Variants in SPINDOC observed in about 807,000 individuals in gnomAD.
SPINDOC encodes the protein spindlin interactor and repressor of chromatin binding, also known as spindlin interactor and repressor of chromatin-binding protein.
In SPINDOC, 13 loss-of-function variants were observed where a neutral mutation model predicts 30.7. The ratio of observed to expected loss-of-function variants is 0.42; its 90% confidence interval spans 0.28 to 0.67. The LOEUF (loss-of-function observed/expected upper bound fraction) is 0.67, where lower values mean the gene tolerates loss of function less well. SPINDOC is among the 30% of genes least tolerant of loss of function. The pLI is 0.22. For synonymous variants in SPINDOC, 228 were observed against 211.4 expected, an observed-to-expected ratio of 1.08 and a Z score of -0.68; for missense variants, 438 against 518.0, an observed-to-expected ratio of 0.85 and a Z score of 1.50.
At chr11:63,815,358 G>C (rs1000514052) in intron 1 of SPINDOC, among the ~76,000 whole-genome samples, 1 of 152,250 alleles carries the variant, frequency 6.6e-6, no homozygotes, top group African/African-American at 2.4e-5. Flanking sequence ...TTGAATTCAA[G>C]GTTTTTGGCC....
chr11:63,819,301 C>G (rs549044732), intron 5 of SPINDOC, among the ~76,000 whole-genome samples: 1 of 152,338 alleles, frequency 6.6e-6, no homozygotes, highest in South Asian at 2.1e-4. Flanking sequence ...ACCTCTGCCT[C>G]CCAGGTTCAA....
chr11:63,822,562 G>T, intron 5 of SPINDOC: 1 of 1,267,114 alleles, frequency 7.9e-7, no homozygotes, highest in South Asian at 1.2e-5. Flanking sequence ...CTAAATTTGA[G>T]CCCCCCGTTT....
chr11:63,826,916 A>G lies in SPINDOC; in HGVS notation c.935-12A>G. ...GGGGCTCTGACTGCTCTCTGCTCTC[A>G]TCCCTGCCCAGCTCCCCCTCCGGGG... On this transcript the variant is annotated splice_polypyrimidine_tract_variant and intron_variant, in intron 5 of 5. Transcript: ENST00000294244. 2 of 1,378,144 alleles carry G rather than the reference A, an allele frequency of 1.5e-6. No individual in the cohort carries two copies. Among genetic ancestry groups the G allele is most frequent in the Non-Finnish European group, 2.1e-6 (2 of 969,390 alleles). 85.4% of individuals were successfully genotyped at this position (1,378,144 alleles called of 1,614,324 possible).
At chr11:63,817,770 T>C (rs1473300342) in intron 1 of SPINDOC, 35 bp from the exon 2 acceptor site, 1 of 1,507,494 alleles carries the variant, frequency 6.6e-7, no homozygotes, top group Admixed American at 2.1e-5. Flanking sequence ...TGTGGGCACC[T>C]TTAGTGATAA....
chr11:63,826,644 C>G (rs1026832719), intron 5 of SPINDOC, among the ~76,000 whole-genome samples: 6 of 152,170 alleles, frequency 3.9e-5, no homozygotes, highest in African/African-American at 1.4e-4. Context: ...GCACGAGCAC[C>G]AGGCGTCCCT....
At chr11:63,816,045 C>T (rs1288917343) in intron 1 of SPINDOC, among the ~76,000 whole-genome samples, 3 of 152,136 alleles carry the variant, frequency 2.0e-5, no homozygotes, top group Admixed American at 1.3e-4. Flanking sequence ...AGGATTCAGG[C>T]GTGAGCCACC....
chr11:63,822,753 C>T, intron 5 of SPINDOC: 1 of 1,289,066 alleles, frequency 7.8e-7, no homozygotes, highest in Non-Finnish European at 1.0e-6. Flanking sequence ...CTGACCTCTT[C>T]CACTGTCTAA....
chr11:63,819,102 GT>G, intron 5 of SPINDOC, 100 bp downstream of exon 5: 2 of 672,094 alleles, frequency 3.0e-6, no homozygotes, highest in Non-Finnish European at 4.9e-6. Flanking sequence ...CACAGTAGGG[GT>G]GGGTGGGGTG....
chr11:63,823,372 T>C, intron 5 of SPINDOC: 4 of 1,172,998 alleles, frequency 3.4e-6, no homozygotes, highest in Non-Finnish European at 4.3e-6. Context: ...TTAAAAAAAA[T>C]TAGAGGTGTA....
rs1435337283 is a variant in SPINDOC, at chr11:63,822,590, C to T, written c.934+3588C>T. On this transcript the variant is annotated intron_variant, in intron 5 of 5. Coordinates refer to ENST00000294244, the MANE Select transcript of SPINDOC (RefSeq NM_138471.3). Reference sequence around the variant, plus strand: ...CCCCGTTTTCTGATCTCGAGGCAGGCCTCACCCCTTCACGTAGATCACAGT... The same window carrying T: ...CCCCGTTTTCTGATCTCGAGGCAGGTCTCACCCCTTCACGTAGATCACAGT... 9 of 1,288,764 alleles carry T rather than the reference C, an allele frequency of 7.0e-6. No individual in the cohort carries two copies. In the South Asian group the frequency reaches 1.1e-4, roughly 16 times the overall value. The allele number at this position is 1,288,764 out of a possible 1,614,324, so 79.8% of individuals were successfully genotyped here. A position where few individuals can be genotyped will look rare whatever the true frequency, so the allele number is the denominator to read the frequency against.
At position 63,818,812 on chromosome 11, in the gene SPINDOC, G is replaced by T; in HGVS notation, c.744G>T (p.Ser248=). The change falls in exon 5 of 6, where the codon TCG becomes TCT. Residue 248 remains serine, a synonymous_variant. Transcript: ENST00000294244. This position sits in a 1 kb window ranked among gnomAD's most constrained non-coding sequence, Gnocchi z 5.3. ...CGTCCTCCCTTCCAGAGCCCCCATCGCCAGACTCGCCCACGGAGACTTTCG... is the reference window on the plus strand; with the variant it reads ...CGTCCTCCCTTCCAGAGCCCCCATCTCCAGACTCGCCCACGGAGACTTTCG... ...KNLDPDPEPP[S]PDSPTETFAA... 1 of 1,613,652 alleles carries T rather than the reference G, an allele frequency of 6.2e-7. No homozygotes were observed. Among genetic ancestry groups the T allele is most frequent in the East Asian group, 2.2e-5 (1 of 44,882 alleles).
Position 63,817,802 on chromosome 11 carries a change from C to T in SPINDOC, c.128-3C>T, listed in dbSNP as rs543442219. ...ATAACACCCTCCCCCTCTCCCCTCG[C>T]AGTGACCCAACAGGAGAAGACCCCA... On this transcript the variant is annotated splice_region_variant and splice_polypyrimidine_tract_variant and intron_variant, in intron 1 of 5. Coordinates refer to ENST00000294244, the MANE Select transcript of SPINDOC (RefSeq NM_138471.3). The T allele has an allele frequency of 5.7e-6, 9 of 1,568,036 alleles. No individual in the cohort carries two copies. Among genetic ancestry groups the T allele is most frequent in the South Asian group, 3.5e-5 (3 of 85,704 alleles).
At chr11:63,820,868 C>A (rs11827195) in intron 5 of SPINDOC, among the ~76,000 whole-genome samples, 1 of 125,290 alleles carries the variant, frequency 8.0e-6, no homozygotes, top group Non-Finnish European at 1.6e-5. Flanking sequence ...CCAGCCTGGG[C>A]GACAGAGCGA....
chr11:63,823,642 C>G (rs2015585658), intron 5 of SPINDOC, among the ~76,000 whole-genome samples: 1 of 152,178 alleles, frequency 6.6e-6, no homozygotes, highest in Non-Finnish European at 1.5e-5. Flanking sequence ...GTCGCCCAGG[C>G]TGGAGTGCAG....
chr11:63,825,251 C>T (rs928396038), intron 5 of SPINDOC, among the ~76,000 whole-genome samples: 3 of 152,198 alleles, frequency 2.0e-5, no homozygotes, highest in Non-Finnish European at 2.9e-5. Flanking sequence ...GACCTCTCCC[C>T]CCACATCCCG....
In SPINDOC at chr11:63,827,112, G is replaced by A. The variant is rs201158330; in HGVS notation, c.1119G>A (p.Gly373=). Residue 373 remains glycine, a synonymous_variant, in exon 6 of 6, where the codon GGG becomes GGA. Transcript: ENST00000294244. ...VLSESSTTVA[G]KPEKGNGV Reference sequence around the variant, plus strand: ...CAGAATCCAGCACCACTGTGGCAGGGAAGCCGGAAAAAGGGAATGGAGTGT... The same window carrying A: ...CAGAATCCAGCACCACTGTGGCAGGAAAGCCGGAAAAAGGGAATGGAGTGT... 2 of 1,454,172 alleles carry A rather than the reference G, an allele frequency of 1.4e-6. No individual in the cohort carries two copies. Among genetic ancestry groups the A allele is most frequent in the East Asian group, 3.3e-5 (1 of 30,538 alleles). 90.1% of individuals were successfully genotyped at this position (1,454,172 alleles called of 1,614,324 possible).
chr11:63,816,509 C>T (rs544815790), intron 1 of SPINDOC, among the ~76,000 whole-genome samples: 4 of 152,072 alleles, frequency 2.6e-5, no homozygotes, highest in East Asian at 1.9e-4. Flanking sequence ...AGACATATCT[C>T]GTATCTCTTT....
Position 63,827,161 on chromosome 11 carries a change from G to A in SPINDOC, c.*22G>A. 3 of 1,477,782 alleles carry A rather than the reference G, an allele frequency of 2.0e-6. No individual in the cohort carries two copies. The highest frequency in any genetic ancestry group is 1.8e-6 in the Non-Finnish European group (2 of 1,082,158). 91.5% of individuals were successfully genotyped at this position (1,477,782 alleles called of 1,614,324 possible). On this transcript the variant is annotated 3_prime_UTR_variant, in exon 6 of 6. Transcript: ENST00000294244. ...GTAAATTCTTGCTTTCCTGGGGAGG[G>A]AGGGAGGGATGAGGCAGCGTCCCCC... is the stretch of plus-strand genomic sequence containing the variant.
intron 5 of SPINDOC, chr11:63,823,301 G>T (rs2015577988): frequency 4.0e-6 from 5 of 1,248,922 alleles, no homozygotes; most frequent in Non-Finnish European, 5.1e-6. Context: ...TCTACTTTCT[G>T]TGTTGTTATG....
Sources: gnomAD v4.1 joint callset for allele counts (sites outside exome capture counted in the v4.1 genomes callset) on GRCh38, gnomAD v4.1.1 for gene constraint, Gnocchi (gnomAD v3.1) non-coding constraint, MANE v1.5 for transcripts, NCBI Gene and HGNC (gene_info 2026-07-23, HGNC 2026-07-21) for gene names.